The following ATAD2B variants were observed in gnomAD, a reference collection of about 807,000 sequenced individuals.
ATAD2B encodes the protein ATPase family AAA domain containing 2B.
In ATAD2B, 40 loss-of-function variants were observed where a neutral mutation model predicts 167.6. The ratio of observed to expected loss-of-function variants is 0.24; its 90% CI spans 0.19 to 0.31. The LOEUF is 0.31. Ranked by LOEUF, ATAD2B falls within the 10% of genes least tolerant of loss-of-function variation. The pLI is 1.00. For synonymous variants in ATAD2B, 579 were observed against 596.5 expected (o/e 0.97, Z 0.43); for missense variants, 1,242 against 1,757.2 (o/e 0.71, Z 5.24).
chr2:23,787,304 AAAAGTG>A (rs1408192668), intron 20 of ATAD2B, among the ~76,000 whole-genome samples: 1 of 152,082 alleles, frequency 6.6e-6, no homozygotes, highest in Non-Finnish European at 1.5e-5. Context: ...TCCTAAGATG[AAAAGTG>A]AAAGTCAACA....
chr2:23,805,143 C>CAAAAAAA (rs574560679), intron 18 of ATAD2B, among the ~76,000 whole-genome samples: 1 of 113,986 alleles, frequency 8.8e-6, no homozygotes, highest in Non-Finnish European at 1.8e-5. Context: ...AACCCTGTCT[C>CAAAAAAA]AAAAAAAAAA....
rs1053087966 is a variant in ATAD2B, at chr2:23,749,428, G to A, written c.*2618C>T. 1 of 152,166 alleles carries A rather than the reference G, an allele frequency of 6.6e-6. No individual in the cohort carries two copies. The highest frequency in any genetic ancestry group is 2.4e-5 in the African/African-American group (1 of 41,458). 9.4% of individuals were successfully genotyped at this position (152,166 alleles called of 1,614,324 possible). A position where few individuals can be genotyped will look rare whatever the true frequency, so the allele number is the denominator to read the frequency against. ...TCAATTTGTACATATTTTTGCCAAT[G>A]CTATACAGCAAAAATGAAAAACTTA... On this transcript the variant is annotated 3_prime_UTR_variant, in exon 28 of 28. Coordinates refer to ENST00000238789, the MANE Select transcript of ATAD2B (RefSeq NM_017552.4).
chr2:23,910,863 G>A lies in ATAD2B; in HGVS notation c.217-14893C>T, dbSNP rs187898962. Among the ~76,000 whole-genome samples the A allele has an allele frequency of 1.2e-4, 18 of 147,520 alleles. No individual in the cohort carries two copies. In the East Asian group the frequency reaches 3.6e-3, roughly 29 times the overall value. On this transcript the variant is annotated intron_variant, in intron 1 of 27. Coordinates refer to ENST00000238789, the MANE Select transcript of ATAD2B (RefSeq NM_017552.4). ...AGCCTGGGCAACAGAGCAAGACTCT[G>A]TCTCAAAAAAATATATAGGGTAAGA...
At chr2:23,764,246 A>G (rs750683188) in intron 23 of ATAD2B, among the ~76,000 whole-genome samples, 2 of 152,234 alleles carry the variant, frequency 1.3e-5, no homozygotes, top group Non-Finnish European at 2.9e-5. Context: ...CATTGAAACC[A>G]TGTTACTTCT....
intron 22 of ATAD2B, among the ~76,000 whole-genome samples, chr2:23,780,162 T>C (rs1355949652): frequency 6.6e-6 from 1 of 151,816 alleles, no homozygotes; most frequent in African/African-American, 2.4e-5. Context: ...GTGGGAGGAT[T>C]GCTTGAGCCC....
At position 23,926,896 on chromosome 2, in the gene ATAD2B, G is replaced by A; in HGVS notation, c.-126C>T. ...TGAGAGACGAGCCGGCCCGGAGCGT[G>A]CGGAGCGCAGACGAGCACAAGAGAG... is the stretch of plus-strand genomic sequence containing the variant. On this transcript the variant is annotated 5_prime_UTR_variant, in exon 1 of 28. Transcript: ENST00000238789. The A allele has an allele frequency of 3.3e-6, 4 of 1,194,508 alleles. No individual in the cohort carries two copies. Among genetic ancestry groups the A allele is most frequent in the Non-Finnish European group, 4.5e-6 (4 of 884,490 alleles). 74.0% of individuals were successfully genotyped at this position (1,194,508 alleles called of 1,614,324 possible).
the ATAD2B span, among the ~76,000 whole-genome samples, chr2:23,683,583 G>T: frequency 6.6e-6 from 1 of 152,360 alleles, no homozygotes; most frequent in East Asian, 1.9e-4. Flanking sequence ...ATGGGCCCGG[G>T]CACTGTCTGT....
At chr2:23,810,623 T>C in intron 17 of ATAD2B, 121 bp from the exon 18 acceptor site, 1 of 755,648 alleles carries the variant, frequency 1.3e-6, no homozygotes, top group African/African-American at 1.8e-5. Context: ...CTTTCCTATA[T>C]TATTTTAGTA....
At chr2:23,906,519 G>A (rs140521091) in intron 1 of ATAD2B, among the ~76,000 whole-genome samples, 15,938 of 152,056 alleles carry the variant, frequency 0.1, 944 homozygotes, top group Middle Eastern at 0.17. Flanking sequence ...TATTAGGTCC[G>A]CTTGGTGCAG....
chr2:23,835,936 C>CAAAAA (rs111774656), intron 13 of ATAD2B, among the ~76,000 whole-genome samples: 26 of 131,868 alleles, frequency 2.0e-4, no homozygotes, highest in African/African-American at 7.2e-4. Context: ...AACTCCATCT[C>CAAAAA]AAAAAAAAAA....
At chr2:23,916,814 A>G (rs1275430316) in intron 1 of ATAD2B, among the ~76,000 whole-genome samples, 1 of 152,226 alleles carries the variant, frequency 6.6e-6, no homozygotes, top group Non-Finnish European at 1.5e-5. Flanking sequence ...GTGAGCCTGG[A>G]AACAGCAGCC....
intron 22 of ATAD2B, among the ~76,000 whole-genome samples, chr2:23,774,890 A>G (rs1156411764): frequency 1.3e-5 from 2 of 152,196 alleles, no homozygotes; most frequent in African/African-American, 4.8e-5. Flanking sequence ...ACAAGAGCAA[A>G]ACCCTGTCTG....
At chr2:23,907,641 C>G (rs370472569) in intron 1 of ATAD2B, among the ~76,000 whole-genome samples, 1 of 151,978 alleles carries the variant, frequency 6.6e-6, no homozygotes, top group Non-Finnish European at 1.5e-5. Context: ...AAACTTTAAA[C>G]TTGGTTCATA....
chr2:23,880,776 A>C (rs1251880051), intron 6 of ATAD2B, 21 bp from the exon 7 acceptor site: 1 of 1,422,360 alleles, frequency 7.0e-7, no homozygotes, highest in Non-Finnish European at 9.8e-7. Context: ...ACACACAAAA[A>C]GAAAAGAAAA....
intron 17 of ATAD2B, among the ~76,000 whole-genome samples, chr2:23,815,878 C>G (rs1472546960): frequency 6.6e-6 from 1 of 152,136 alleles, no homozygotes; most frequent in Non-Finnish European, 1.5e-5. Context: ...TATCTTCTAA[C>G]AGTTTATCTA....
chr2:23,733,626 A>C, the ATAD2B span, among the ~76,000 whole-genome samples: 1 of 152,194 alleles, frequency 6.6e-6, no homozygotes. Flanking sequence ...TGTGTTCACT[A>C]CAGATTGGGT....
intron 25 of ATAD2B, among the ~76,000 whole-genome samples, chr2:23,755,664 G>A (rs1049083151): frequency 6.6e-6 from 1 of 152,090 alleles, no homozygotes; most frequent in Non-Finnish European, 1.5e-5. Flanking sequence ...GCAGGGACCC[G>A]CCTCCATCCT....
the ATAD2B span, among the ~76,000 whole-genome samples, chr2:23,693,954 A>G: frequency 6.6e-6 from 1 of 152,222 alleles, no homozygotes; most frequent in South Asian, 2.1e-4. Flanking sequence ...CAGAGGATAC[A>G]GAGAGGGCTC....
chr2:23,862,461 A>T (rs1694545199), intron 12 of ATAD2B, among the ~76,000 whole-genome samples: 1 of 122,934 alleles, frequency 8.1e-6, no homozygotes, highest in South Asian at 2.6e-4. Flanking sequence ...CCCAGACTGT[A>T]GTACAGTGGT....
Sources: allele counts gnomAD v4.1 joint callset (sites outside exome capture counted in the v4.1 genomes callset), GRCh38; gene constraint gnomAD v4.1.1; transcripts MANE v1.5; gene names NCBI Gene and HGNC (gene_info 2026-07-23, HGNC 2026-07-21).